The following ROBO2 variants were observed in gnomAD, a reference collection of about 807,000 sequenced individuals.
The protein encoded by ROBO2 is roundabout homolog 2.
In ROBO2, 53 loss-of-function variants were observed where a neutral mutation model predicts 160.8. The ratio of observed to expected loss-of-function variants is 0.33; its 90% CI spans 0.26 to 0.41. The LOEUF is 0.41. ROBO2 is among the 10% of genes least tolerant of loss of function. The pLI is 1.00. For missense variants in ROBO2, 1,577 were observed against 1,722.4 expected (o/e 0.92, Z 1.49); for synonymous variants, 664 against 611.7 (o/e 1.09, Z -1.26).
intron 2 of ROBO2, among the ~76,000 whole-genome samples, chr3:75,974,865 A>G (rs675082): frequency 0.76 from 115,354 of 151,384 alleles, 45,089 homozygotes; most frequent in South Asian, 0.9. Flanking sequence ...ATAGGAAAAT[A>G]GTTTGTTGAT....
intron 2 of ROBO2, among the ~76,000 whole-genome samples, chr3:76,346,362 C>G (rs1204603251): frequency 6.6e-6 from 1 of 151,872 alleles, no homozygotes; most frequent in Non-Finnish European, 1.5e-5. Context: ...CAAATGTAGG[C>G]TACACCTCTT....
intron 2 of ROBO2, among the ~76,000 whole-genome samples, chr3:76,336,427 T>A (rs746667868): frequency 6.6e-6 from 1 of 152,238 alleles, no homozygotes; most frequent in Non-Finnish European, 1.5e-5. Flanking sequence ...TAGTGGTGGA[T>A]AAATGGCAGT....
chr3:76,396,783 C>T (rs1006800090), intron 2 of ROBO2, among the ~76,000 whole-genome samples: 16 of 151,918 alleles, frequency 1.1e-4, no homozygotes, highest in Non-Finnish European at 2.1e-4. Context: ...GAAGGACCTC[C>T]TCAAGGAGAA....
At chr3:77,172,636 G>A (rs1380926066) in intron 2 of ROBO2, among the ~76,000 whole-genome samples, 1 of 152,132 alleles carries the variant, frequency 6.6e-6, no homozygotes, top group Non-Finnish European at 1.5e-5. Context: ...TAGACAAGTA[G>A]TGTGATTTTG....
At chr3:77,389,462 G>A (rs2153498045) in intron 2 of ROBO2, among the ~76,000 whole-genome samples, 1 of 152,262 alleles carries the variant, frequency 6.6e-6, no homozygotes, top group Non-Finnish European at 1.5e-5. Context: ...CCATGATCAT[G>A]CAGTGTTCTA....
At chr3:76,420,671 A>G (rs550113118) in intron 2 of ROBO2, among the ~76,000 whole-genome samples, 2 of 152,332 alleles carry the variant, frequency 1.3e-5, no homozygotes, top group African/African-American at 4.8e-5. Flanking sequence ...AATATTTTAT[A>G]GTAATAAGCC....
chr3:76,806,692 C>T lies in ROBO2; in HGVS notation c.110-291322C>T, dbSNP rs147745173. On this transcript the variant is annotated intron_variant, in intron 2 of 26. Coordinates refer to the ROBO2 transcript ENST00000487694. The stretch of plus-strand genomic sequence containing the variant: ...GCGTTTAATGAGGAAGAGCTTCAGT[C>T]TACATTAGAGAAATCCACAGTAGGT... 1.4e-3 allele frequency among the ~76,000 whole-genome samples: 211 copies of T among 152,094 alleles called. 3 individuals are homozygous for T. The highest frequency in any genetic ancestry group is 0.011 in the Admixed American group (168 of 15,264).
chr3:76,882,900 A>G (rs13066541), intron 2 of ROBO2, among the ~76,000 whole-genome samples: 77 of 152,284 alleles, frequency 5.1e-4, no homozygotes, highest in Non-Finnish European at 1.0e-3. Context: ...TAAACATGAC[A>G]TTTCAAATGG....
At position 76,607,454 on chromosome 3, in the gene ROBO2, A is replaced by G. The variant is rs6782478; in HGVS notation, c.110-490560A>G. 3.2e-3 allele frequency among the ~76,000 whole-genome samples: 492 copies of G among 152,366 alleles called. 1 individual carries two copies. Among genetic ancestry groups the G allele is most frequent in the African/African-American group, 0.011 (469 of 41,586 alleles). On this transcript the variant is annotated intron_variant, in intron 2 of 26. Transcript: ENST00000487694. ...AATACCTTGTCTTACAAAGTTAAAA[A>G]TAATATTTTATGCTGAAATAGTTAC...
intron 2 of ROBO2, among the ~76,000 whole-genome samples, chr3:76,935,748 TA>T (rs1438283357): frequency 6.6e-6 from 1 of 152,198 alleles, no homozygotes; most frequent in Non-Finnish European, 1.5e-5. Context: ...AGACCTCTTT[TA>T]TAAGGGCACT....
intron 2 of ROBO2, among the ~76,000 whole-genome samples, chr3:76,312,717 G>A (rs1473190813): frequency 6.6e-6 from 1 of 152,216 alleles, no homozygotes; most frequent in Non-Finnish European, 1.5e-5. Flanking sequence ...ATTGATGTCA[G>A]GAGTGTTAAC....
rs187466409 is a variant in ROBO2 at position 76,119,349 on chromosome 3, C to T, written c.109+181747C>T. On this transcript the variant is annotated intron_variant, in intron 2 of 26. Transcript: ENST00000487694. ...CATTATGTTCACTGTGAATAACTTT[C>T]GTAATTTTTTTTTACCATAGCTCAC... Among the ~76,000 whole-genome samples, 620 of 148,986 alleles carry T rather than the reference C, an allele frequency of 4.2e-3. 3 individuals carry two copies. Among genetic ancestry groups the T allele is most frequent in the African/African-American group, 0.015 (579 of 39,092 alleles).
intron 6 of ROBO2, among the ~76,000 whole-genome samples, chr3:77,526,377 CATT>C: frequency 6.6e-6 from 1 of 151,588 alleles, no homozygotes; most frequent in East Asian, 1.9e-4. Context: ...TCCAGAGTCA[CATT>C]ACATATGCAC....
chr3:77,495,670 G>C (rs1415491864), intron 5 of ROBO2, among the ~76,000 whole-genome samples: 1 of 152,132 alleles, frequency 6.6e-6, no homozygotes, highest in African/African-American at 2.4e-5. Context: ...GGATTAGACT[G>C]CGTTTATAGG....
At chr3:75,975,617 T>A (rs34705138) in intron 2 of ROBO2, among the ~76,000 whole-genome samples, 17,982 of 151,476 alleles carry the variant, frequency 0.12, 1,236 homozygotes, top group Non-Finnish European at 0.15. Context: ...TGATCCTTGA[T>A]ATCAACAATT....
intron 1 of ROBO2, among the ~76,000 whole-genome samples, chr3:77,081,049 A>T (rs2068599051): frequency 1.3e-5 from 2 of 152,072 alleles, no homozygotes; most frequent in African/African-American, 2.4e-5. Flanking sequence ...CTGTGTGTTT[A>T]TACTCACGTG....
At chr3:76,648,247 T>G (rs1269384805) in intron 2 of ROBO2, among the ~76,000 whole-genome samples, 1 of 152,114 alleles carries the variant, frequency 6.6e-6, no homozygotes, top group Non-Finnish European at 1.5e-5. Flanking sequence ...GCATTAAAAA[T>G]AAATCTTTTG....
chr3:76,807,768 G>T (rs1216779016), intron 2 of ROBO2, among the ~76,000 whole-genome samples: 1 of 152,012 alleles, frequency 6.6e-6, no homozygotes, highest in Non-Finnish European at 1.5e-5. Context: ...TCAGTTATAT[G>T]TATTCTAAAG....
At chr3:77,040,895 C>A in intron 1 of ROBO2, 49 bp downstream of exon 1, 1 of 1,598,558 alleles carries the variant, frequency 6.3e-7, no homozygotes, top group Non-Finnish European at 8.5e-7. Flanking sequence ...ACCCCCCAAT[C>A]CCCCAAAACC....
Sources: allele counts gnomAD v4.1 joint callset (sites outside exome capture counted in the v4.1 genomes callset), GRCh38; gene constraint gnomAD v4.1.1; transcripts MANE v1.5; gene names NCBI Gene and HGNC (gene_info 2026-07-23, HGNC 2026-07-21).